CCDC178: variants seen among roughly 807,000 people sequenced by gnomAD.
CCDC178 encodes the protein coiled-coil domain-containing protein 178.
In CCDC178, 126 loss-of-function variants were observed where a neutral mutation model predicts 117.4. That is an observed-to-expected ratio of 1.07 (90% CI 0.93 to 1.24). CCDC178 has a LOEUF of 1.24. Among genes scored for constraint, CCDC178 ranks in the 50% most tolerant of loss-of-function variants. The pLI is 0.00. For synonymous variants in CCDC178, 283 were observed against 313.4 expected, an observed-to-expected ratio of 0.90 and a Z score of 1.02; for missense variants, 1,030 against 986.9, an observed-to-expected ratio of 1.04 and a Z score of -0.59.
chr18:32,965,178 C>T (rs548030802), intron 22 of CCDC178, among the ~76,000 whole-genome samples: 3 of 152,020 alleles, frequency 2.0e-5, no homozygotes, highest in East Asian at 3.9e-4. Flanking sequence ...TCATCAATCC[C>T]TTCAGCCACA....
chr18:33,376,050 A>C (rs1415135168), intron 5 of CCDC178, among the ~76,000 whole-genome samples: 2 of 152,180 alleles, frequency 1.3e-5, no homozygotes, highest in African/African-American at 4.8e-5. Flanking sequence ...GCGCAGCTTG[A>C]CTTATGGACT....
At chr18:33,388,613 G>A (rs531657644) in intron 5 of CCDC178, among the ~76,000 whole-genome samples, 24 of 130,954 alleles carry the variant, frequency 1.8e-4, no homozygotes, top group South Asian at 8.1e-4. Flanking sequence ...TCCGCCTCCC[G>A]GGTTCACGCC....
chr18:33,289,796 A>T (rs1216089851), intron 12 of CCDC178, among the ~76,000 whole-genome samples: 1 of 152,208 alleles, frequency 6.6e-6, no homozygotes, highest in Non-Finnish European at 1.5e-5. Context: ...AGTAAATAAG[A>T]TATGCATAAA....
chr18:33,193,586 T>C (rs2058889340), intron 20 of CCDC178, among the ~76,000 whole-genome samples: 1 of 152,190 alleles, frequency 6.6e-6, no homozygotes, highest in Non-Finnish European at 1.5e-5. Context: ...TTCTATAATG[T>C]CTTATCTCAC....
At chr18:33,013,487 T>A (rs1028534066) in intron 21 of CCDC178, among the ~76,000 whole-genome samples, 2 of 152,234 alleles carry the variant, frequency 1.3e-5, no homozygotes, top group African/African-American at 4.8e-5. Context: ...AACCATTTTT[T>A]AAATGCATTC....
At chr18:33,119,928 C>T (rs1287561231) in intron 20 of CCDC178, among the ~76,000 whole-genome samples, 1 of 151,920 alleles carries the variant, frequency 6.6e-6, no homozygotes, top group Non-Finnish European at 1.5e-5. Flanking sequence ...AGCAAACTAT[C>T]ACAAGGACAA....
At chr18:33,260,692 C>A (rs1770471685) in intron 14 of CCDC178, among the ~76,000 whole-genome samples, 2 of 151,710 alleles carry the variant, frequency 1.3e-5, no homozygotes, top group Admixed American at 6.6e-5. Flanking sequence ...TCTATGTTTT[C>A]TTAGAATTTT....
chr18:32,982,600 T>A (rs1317784218), intron 21 of CCDC178, among the ~76,000 whole-genome samples: 1 of 152,150 alleles, frequency 6.6e-6, no homozygotes, highest in Non-Finnish European at 1.5e-5. Flanking sequence ...ATGAAAAACA[T>A]CTTTATAAAA....
intron 20 of CCDC178, among the ~76,000 whole-genome samples, chr18:33,102,361 C>T (rs1289099652): frequency 1.3e-5 from 2 of 150,200 alleles, no homozygotes; most frequent in African/African-American, 4.9e-5. Context: ...TTCTGAATAC[C>T]CTATAGAATT....
chr18:33,419,071 G>A (rs142479142), intron 2 of CCDC178, among the ~76,000 whole-genome samples: 3 of 152,114 alleles, frequency 2.0e-5, no homozygotes, highest in African/African-American at 4.8e-5. Context: ...AAAACAGCGC[G>A]GTACTGGTAC....
intron 21 of CCDC178, among the ~76,000 whole-genome samples, chr18:33,015,263 GA>G (rs201400818): frequency 0.078 from 6,548 of 84,416 alleles, 261 homozygotes; most frequent in African/African-American, 0.18. Flanking sequence ...TTCAAAAGAA[GA>G]AAAAAAAAAA....
At chr18:33,256,397 T>C (rs2059680600) in intron 14 of CCDC178, among the ~76,000 whole-genome samples, 1 of 152,048 alleles carries the variant, frequency 6.6e-6, no homozygotes, top group East Asian at 1.9e-4. Context: ...GATGGACACC[T>C]TAGTCTTGAA....
intron 22 of CCDC178, among the ~76,000 whole-genome samples, chr18:32,967,970 A>G (rs1358250403): frequency 6.6e-6 from 1 of 151,464 alleles, no homozygotes. Flanking sequence ...TAGCATATTC[A>G]TCTCCTCATG....
At chr18:33,201,712 G>A (rs1156304603) in intron 20 of CCDC178, among the ~76,000 whole-genome samples, 2 of 152,154 alleles carry the variant, frequency 1.3e-5, no homozygotes, top group South Asian at 4.2e-4. Context: ...CTAGGAAGAC[G>A]CTGACAAGAG....
At chr18:33,091,329 T>TTTTTTTTTTTTTTTTTTTTG (rs2057461057) in intron 21 of CCDC178, among the ~76,000 whole-genome samples, 1 of 71,632 alleles carries the variant, frequency 1.4e-5, no homozygotes, top group Non-Finnish European at 2.6e-5. Context: ...TCATTCTTTT[T>TTTTTTTTTTTTTTTTTTTTG]TTTTTTTTTT....
chr18:33,109,002 C>A (rs904889068), intron 20 of CCDC178, among the ~76,000 whole-genome samples: 2 of 151,564 alleles, frequency 1.3e-5, no homozygotes, highest in African/African-American at 4.8e-5. Context: ...TATTTTTGAG[C>A]TGTCAGTTGG....
At chr18:33,403,417 C>A (rs1161236981) in intron 3 of CCDC178, among the ~76,000 whole-genome samples, 1 of 151,196 alleles carries the variant, frequency 6.6e-6, no homozygotes, top group African/African-American at 2.4e-5. Flanking sequence ...AGAAGAAGAA[C>A]AATCTGATGA....
chr18:33,276,844 AAT>A (rs1422101704), intron 12 of CCDC178, among the ~76,000 whole-genome samples: 1 of 152,170 alleles, frequency 6.6e-6, no homozygotes, highest in Non-Finnish European at 1.5e-5. Flanking sequence ...TATTATAGAT[AAT>A]GAGAGAAATA....
At chr18:33,009,480 T>C (rs2055818781) in intron 21 of CCDC178, among the ~76,000 whole-genome samples, 1 of 152,144 alleles carries the variant, frequency 6.6e-6, no homozygotes, top group Non-Finnish European at 1.5e-5. Flanking sequence ...TTAGTGACTT[T>C]GTGTATTCTG....
Sources: allele counts gnomAD v4.1 joint callset (sites outside exome capture counted in the v4.1 genomes callset), GRCh38; gene constraint gnomAD v4.1.1; transcripts MANE v1.5; gene names NCBI Gene and HGNC (gene_info 2026-07-23, HGNC 2026-07-21).